ZNF385D: variants seen among roughly 807,000 people sequenced by gnomAD.
ZNF385D encodes zinc finger protein 385D, also known as zinc finger protein 659.
A neutral mutation model predicts 35.8 loss-of-function variants in ZNF385D; 15 were observed. The observed-to-expected ratio is 0.42, with a 90% CI of 0.28 to 0.64. The LOEUF (loss-of-function observed/expected upper bound fraction) is 0.64, where lower values mean the gene tolerates loss of function less well. ZNF385D is among the 30% of genes least tolerant of loss of function. ZNF385D has a pLI of 0.23. For missense variants in ZNF385D, 474 were observed against 494.6 expected (o/e 0.96, Z 0.39); for synonymous variants, 212 against 186.8 (o/e 1.13, Z -1.10).
chr3:22,158,810 G>C (rs1705759545), intron 3 of ZNF385D, among the ~76,000 whole-genome samples: 1 of 151,822 alleles, frequency 6.6e-6, no homozygotes, highest in African/African-American at 2.4e-5. Context: ...AAAAGGGTGG[G>C]CCTCAGAATG....
intron 1 of ZNF385D, among the ~76,000 whole-genome samples, chr3:21,683,260 C>A (rs539646475): frequency 6.7e-6 from 1 of 149,970 alleles, no homozygotes; most frequent in East Asian, 2.0e-4. Flanking sequence ...CTGCTGTACA[C>A]ACCCTACATC....
rs190944270 is a variant in ZNF385D at position 21,903,713 on chromosome 3, C to T, written c.326-238685G>A. On this transcript the variant is annotated intron_variant, in intron 3 of 5. Transcript: ENST00000494108. Reference sequence around the variant, plus strand: ...GACAGCTGTCTATGTCATCCATGAACACGTCTCTCTGGCAAAAGCAATAGA... The same window carrying T: ...GACAGCTGTCTATGTCATCCATGAATACGTCTCTCTGGCAAAAGCAATAGA... Among the ~76,000 whole-genome samples the T allele has an allele frequency of 3.9e-5, 6 of 152,244 alleles. No individual in the cohort carries two copies. The East Asian group carries it at 1.2e-3, about 29-fold the overall frequency.
chr3:21,855,497 A>G (rs1482914128), intron 3 of ZNF385D, among the ~76,000 whole-genome samples: 1 of 152,056 alleles, frequency 6.6e-6, no homozygotes, highest in African/African-American at 2.4e-5. Flanking sequence ...CAGTGAGTCT[A>G]GATTCCATTG....
chr3:21,642,708 T>A (rs2065642544), intron 2 of ZNF385D, among the ~76,000 whole-genome samples: 1 of 152,100 alleles, frequency 6.6e-6, no homozygotes, highest in South Asian at 2.1e-4. Flanking sequence ...CCCAAATGGA[T>A]GAATGGACGA....
intron 3 of ZNF385D, among the ~76,000 whole-genome samples, chr3:22,088,009 G>C (rs13069223): frequency 0.12 from 18,520 of 152,230 alleles, 1,243 homozygotes; most frequent in Non-Finnish European, 0.16. Flanking sequence ...AAGAATGTTA[G>C]TGATCAGCTG....
At chr3:22,235,403 C>T (rs777985823) in intron 2 of ZNF385D, among the ~76,000 whole-genome samples, 10 of 151,966 alleles carry the variant, frequency 6.6e-5, no homozygotes, top group Non-Finnish European at 1.0e-4. Flanking sequence ...AAGGGAAAGA[C>T]GACATTTATT....
At chr3:21,806,008 T>C (rs1471857910) in intron 3 of ZNF385D, among the ~76,000 whole-genome samples, 1 of 152,122 alleles carries the variant, frequency 6.6e-6, no homozygotes, top group African/African-American at 2.4e-5. Flanking sequence ...TAAAAGGATA[T>C]TTGAATAAAC....
chr3:21,435,558 G>C (rs1701509167), intron 5 of ZNF385D, among the ~76,000 whole-genome samples: 1 of 152,002 alleles, frequency 6.6e-6, no homozygotes, highest in Non-Finnish European at 1.5e-5. Context: ...AAACACCACA[G>C]CCCACCAAAA....
chr3:22,350,788 G>T (rs1695881164), intron 2 of ZNF385D, among the ~76,000 whole-genome samples: 1 of 151,854 alleles, frequency 6.6e-6, no homozygotes, highest in African/African-American at 2.4e-5. Flanking sequence ...TTCTTCTGTG[G>T]CACTAAAACC....
chr3:21,513,100 A>G (rs1707329618), intron 3 of ZNF385D, among the ~76,000 whole-genome samples: 1 of 152,184 alleles, frequency 6.6e-6, no homozygotes, highest in Admixed American at 6.5e-5. Context: ...GGCATTTAAA[A>G]TTAAACAACA....
intron 2 of ZNF385D, among the ~76,000 whole-genome samples, chr3:22,222,344 A>C (rs984892014): frequency 6.6e-6 from 1 of 152,168 alleles, no homozygotes; most frequent in Admixed American, 6.6e-5. Flanking sequence ...AAGAAAAAAA[A>C]ATCTAAGATA....
At chr3:21,998,948 C>T (rs560014316) in intron 3 of ZNF385D, among the ~76,000 whole-genome samples, 4 of 151,994 alleles carry the variant, frequency 2.6e-5, no homozygotes, top group South Asian at 2.1e-4. Context: ...GGTGCACACC[C>T]CTTAAAAAGT....
At chr3:21,644,778 T>G (rs1401629600) in intron 2 of ZNF385D, among the ~76,000 whole-genome samples, 1 of 152,140 alleles carries the variant, frequency 6.6e-6, no homozygotes, top group Non-Finnish European at 1.5e-5. Flanking sequence ...GGATTAAAAT[T>G]TATACTACAT....
chr3:21,984,956 G>A (rs969739971), intron 3 of ZNF385D, among the ~76,000 whole-genome samples: 1 of 151,026 alleles, frequency 6.6e-6, no homozygotes, highest in Non-Finnish European at 1.5e-5. Flanking sequence ...CTCATGATTT[G>A]GCTCTCTGTT....
At chr3:21,755,714 T>A (rs2070309548), upstream of ZNF385D, among the ~76,000 whole-genome samples, 1 of 152,206 alleles carries the variant, frequency 6.6e-6, no homozygotes, top group African/African-American at 2.4e-5. Flanking sequence ...CTTTTTTAAC[T>A]CCATGACCTC....
At chr3:22,003,777 G>A (rs1696013760) in intron 3 of ZNF385D, among the ~76,000 whole-genome samples, 1 of 151,710 alleles carries the variant, frequency 6.6e-6, no homozygotes. Flanking sequence ...TGAGGCGGGA[G>A]AATTGCTTGA....
At chr3:22,118,548 A>G (rs936131625) in intron 3 of ZNF385D, among the ~76,000 whole-genome samples, 1 of 152,078 alleles carries the variant, frequency 6.6e-6, no homozygotes, top group Non-Finnish European at 1.5e-5. Context: ...CCACATGTAA[A>G]TTACACCATT....
At chr3:21,503,714 T>C (rs761234882) in intron 4 of ZNF385D, among the ~76,000 whole-genome samples, 1 of 152,258 alleles carries the variant, frequency 6.6e-6, no homozygotes. Flanking sequence ...TGTTTCCAGG[T>C]GTATTTGTTT....
intron 3 of ZNF385D, among the ~76,000 whole-genome samples, chr3:21,862,168 C>A (rs1697088672): frequency 6.6e-6 from 1 of 151,930 alleles, no homozygotes; most frequent in South Asian, 2.1e-4. Context: ...ATATCAAATT[C>A]TTTTGATAAG....
Sources: gnomAD v4.1 joint callset for allele counts (sites outside exome capture counted in the v4.1 genomes callset) on GRCh38, gnomAD v4.1.1 for gene constraint, MANE v1.5 for transcripts, NCBI Gene and HGNC (gene_info 2026-07-23, HGNC 2026-07-21) for gene names.